DGKH: variants seen among roughly 807,000 people sequenced by gnomAD.
The protein encoded by DGKH is diacylglycerol kinase eta, also known as DAG kinase eta.
Under a neutral mutation model 159.3 loss-of-function variants are expected in DGKH, and 90 were observed. The ratio of observed to expected loss-of-function variants is 0.57; its 90% CI spans 0.48 to 0.67. DGKH has a LOEUF of 0.67. Among genes scored for constraint, DGKH ranks in the 30% least tolerant of loss-of-function variants. The pLI is 0.00. For synonymous variants in DGKH, 536 were observed against 553.8 expected, an observed-to-expected ratio of 0.97 and a Z score of 0.45; for missense variants, 1,181 against 1,506.1, an observed-to-expected ratio of 0.78 and a Z score of 3.57.
At chr13:42,158,588 G>C (rs1479660227) in intron 5 of DGKH, among the ~76,000 whole-genome samples, 1 of 151,954 alleles carries the variant, frequency 6.6e-6, no homozygotes, top group African/African-American at 2.4e-5. Context: ...TAATATGGCT[G>C]GGGAGATTTA....
chr13:42,114,377 C>T (rs758269193), intron 1 of DGKH, among the ~76,000 whole-genome samples: 5 of 152,148 alleles, frequency 3.3e-5, no homozygotes, highest in Non-Finnish European at 5.9e-5. Context: ...ATCTCAGCTA[C>T]TTTATCGGAA....
At chr13:42,171,739 TG>T (rs148583119) in intron 11 of DGKH, among the ~76,000 whole-genome samples, 16,109 of 152,218 alleles carry the variant, frequency 0.11, 866 homozygotes, top group Middle Eastern at 0.14. Context: ...TTCACCCTTG[TG>T]TTTCCAGACC....
At chr13:42,218,502 C>CTTTTTTT (rs56173082) in intron 26 of DGKH, among the ~76,000 whole-genome samples, 1 of 88,298 alleles carries the variant, frequency 1.1e-5, no homozygotes, top group Non-Finnish European at 2.2e-5. Context: ...CATGTGGTGA[C>CTTTTTTT]TTTTTTTTTT....
chr13:42,147,545 C>T (rs1169194436), intron 3 of DGKH, among the ~76,000 whole-genome samples: 2 of 152,140 alleles, frequency 1.3e-5, no homozygotes, highest in Admixed American at 6.5e-5. Context: ...TTGTACAAAG[C>T]CATTTACCGT....
intron 3 of DGKH, among the ~76,000 whole-genome samples, chr13:42,149,012 A>G (rs1955811302): frequency 7.5e-6 from 1 of 132,818 alleles, no homozygotes; most frequent in African/African-American, 2.9e-5. Context: ...TGGCGTGATC[A>G]TAGCTCACTG....
chr13:42,229,279 A>G lies in DGKH; in HGVS notation c.*91A>G. ...TGGCTGTTCTTGTAGTTTTCTGCATAGATAAGTAAGCACCACTGAAGCACC... is the reference window on the plus strand; with the variant it reads ...TGGCTGTTCTTGTAGTTTTCTGCATGGATAAGTAAGCACCACTGAAGCACC... On this transcript the variant is annotated 3_prime_UTR_variant, in exon 30 of 30. Transcript: ENST00000337343. 8.7e-7 allele frequency: 1 copy of G among 1,148,602 alleles called. No individual in the cohort carries two copies. The highest frequency in any genetic ancestry group is 2.5e-5 in the East Asian group (1 of 39,296). The allele number at this position is 1,148,602 out of a possible 1,614,324, so 71.2% of individuals were successfully genotyped here. A position where few individuals can be genotyped will look rare whatever the true frequency, so the allele number is the denominator to read the frequency against.
At chr13:42,201,062 G>A (rs141233158) in intron 20 of DGKH, among the ~76,000 whole-genome samples, 172 of 151,006 alleles carry the variant, frequency 1.1e-3, no homozygotes, top group African/African-American at 3.9e-3. Flanking sequence ...GTGCGATCTC[G>A]GCTCACTGCA....
chr13:42,124,549 T>C (rs1490712555), intron 1 of DGKH, among the ~76,000 whole-genome samples: 3 of 152,166 alleles, frequency 2.0e-5, no homozygotes, highest in Non-Finnish European at 4.4e-5. Context: ...GGGGTGAGAC[T>C]TGGGGACCTT....
At chr13:42,192,611 C>CTT (rs1399956789) in intron 16 of DGKH, among the ~76,000 whole-genome samples, 3 of 149,200 alleles carry the variant, frequency 2.0e-5, no homozygotes, top group Non-Finnish European at 3.0e-5. Flanking sequence ...TCTTCTTCTT[C>CTT]TTCTTTTCTT....
chr13:42,145,251 G>A (rs1955696051), intron 3 of DGKH, among the ~76,000 whole-genome samples: 1 of 152,186 alleles, frequency 6.6e-6, no homozygotes, highest in South Asian at 2.1e-4. Context: ...ACTTAAGAGA[G>A]ACAAATGACA....
chr13:42,145,541 G>C (rs777784150), intron 3 of DGKH, among the ~76,000 whole-genome samples: 2 of 152,008 alleles, frequency 1.3e-5, no homozygotes, highest in African/African-American at 2.4e-5. Flanking sequence ...TTTGTATCTT[G>C]GAAATAAACA....
chr13:42,243,168 T>C (rs2296030), downstream of DGKH, among the ~76,000 whole-genome samples: 64,832 of 151,952 alleles, frequency 0.43, 14,250 homozygotes, highest in African/African-American at 0.54. Context: ...TTTATAGGCA[T>C]ACCTACTTCC....
intron 1 of DGKH, among the ~76,000 whole-genome samples, chr13:42,040,692 C>A (rs1304190141): frequency 6.7e-6 from 1 of 148,876 alleles, no homozygotes; most frequent in Admixed American, 6.7e-5. Context: ...GGCGCGGGGG[C>A]GGGAGAGCGC....
chr13:42,201,392 T>TGATCAC (rs1957343962), intron 20 of DGKH, among the ~76,000 whole-genome samples: 1 of 152,198 alleles, frequency 6.6e-6, no homozygotes, highest in Non-Finnish European at 1.5e-5. Context: ...GATGGGTAAG[T>TGATCAC]GATCACTTTA....
rs1324765832 is a variant in DGKH at position 42,236,558 on chromosome 13, C to G, written c.*7370C>G. On this transcript the variant is annotated 3_prime_UTR_variant, in exon 30 of 30. Transcript: ENST00000337343. Reference sequence around the variant, plus strand: ...TCATGTCACAACTTATTTTCTGTAGCCAATTCTCAGTTTTAGTTGAAGAGA... The same window carrying G: ...TCATGTCACAACTTATTTTCTGTAGGCAATTCTCAGTTTTAGTTGAAGAGA... 6.6e-6 allele frequency: 1 copy of G among 152,106 alleles called. No homozygotes were observed. Among genetic ancestry groups the G allele is most frequent in the Non-Finnish European group, 1.5e-5 (1 of 68,018 alleles). 9.4% of individuals were successfully genotyped at this position (152,106 alleles called of 1,614,324 possible).
chr13:42,235,860 C>G lies in DGKH; in HGVS notation c.*6672C>G, dbSNP rs533929776. On this transcript the variant is annotated 3_prime_UTR_variant, in exon 30 of 30. Transcript: ENST00000337343. Reference sequence around the variant, plus strand: ...TCTTCCTCTTAAGTGAGATAAATCTCACTTTTATGTTAAAATGTCTATTTA... The same window carrying G: ...TCTTCCTCTTAAGTGAGATAAATCTGACTTTTATGTTAAAATGTCTATTTA... The G allele has an allele frequency of 1.3e-5, 2 of 152,198 alleles. No homozygotes were observed. Among genetic ancestry groups the G allele is most frequent in the African/African-American group, 4.8e-5 (2 of 41,550 alleles). 9.4% of individuals were successfully genotyped at this position (152,198 alleles called of 1,614,324 possible).
rs117346606 is a variant in DGKH at position 42,115,564 on chromosome 13, C to T, written c.193-11899C>T. On this transcript the variant is annotated intron_variant, in intron 1 of 29. Transcript: ENST00000337343. ...GAGGTTTAGAAGAGGCAGTGGAGGA[C>T]GATATTGAGTAGAAGGGAGAGCTGG... 5.2e-3 allele frequency among the ~76,000 whole-genome samples: 784 copies of T among 152,090 alleles called. 24 individuals carry two copies. In the East Asian group the frequency reaches 0.083, roughly 16 times the overall value.
chr13:42,078,909 C>CTTTTTTTTTTTTTTTT (rs55801562), intron 1 of DGKH, among the ~76,000 whole-genome samples: 1 of 93,576 alleles, frequency 1.1e-5, no homozygotes, highest in Non-Finnish European at 1.9e-5. Flanking sequence ...GTATATTCTC[C>CTTTTTTTTTTTTTTTT]TTTTTTTTTT....
At chr13:42,067,232 A>G (rs1238855882) in intron 1 of DGKH, among the ~76,000 whole-genome samples, 1 of 152,182 alleles carries the variant, frequency 6.6e-6, no homozygotes, top group Non-Finnish European at 1.5e-5. Flanking sequence ...GTGTTAAACT[A>G]TTTTAAGGGA....
Sources: allele counts gnomAD v4.1 joint callset (sites outside exome capture counted in the v4.1 genomes callset), GRCh38; gene constraint gnomAD v4.1.1; transcripts MANE v1.5; gene names NCBI Gene and HGNC (gene_info 2026-07-23, HGNC 2026-07-21).